The following SWAP70 variants were observed in gnomAD, a reference collection of about 807,000 sequenced individuals.
SWAP70 encodes switching B cell complex subunit SWAP70.
SWAP70 carries 34 observed loss-of-function variants against 80.2 expected under a neutral mutation model. The observed-to-expected ratio is 0.42, with a 90% CI of 0.32 to 0.56. SWAP70 has a LOEUF of 0.56. Among genes scored for constraint, SWAP70 ranks in the 20% least tolerant of loss-of-function variants. The pLI is 0.09. For missense variants in SWAP70, 578 were observed against 690.7 expected, an observed-to-expected ratio of 0.84 and a Z score of 1.83; for synonymous variants, 239 against 238.5, an observed-to-expected ratio of 1.00 and a Z score of -0.02.
At chr11:9,674,997 A>G (rs1057282721) in intron 1 of SWAP70, among the ~76,000 whole-genome samples, 8 of 150,372 alleles carry the variant, frequency 5.3e-5, no homozygotes, top group African/African-American at 1.2e-4. Context: ...TTAAATTTAA[A>G]AAATAGAAGC....
intron 1 of SWAP70, among the ~76,000 whole-genome samples, chr11:9,674,916 C>T (rs954916459): frequency 1.3e-5 from 2 of 151,062 alleles, no homozygotes; most frequent in Non-Finnish European, 2.9e-5. Flanking sequence ...TTGCAGTGAG[C>T]GGAGATTATG....
rs749409014 is a variant in SWAP70 at position 9,664,173 on chromosome 11, C to G, written c.-7C>G. On this transcript the variant is annotated 5_prime_UTR_variant, in exon 1 of 12. Transcript: ENST00000318950. ...GGAGGGGTTGGCGGGGCAGCAGGGC[C>G]GCGGCCATGGGGAGCTTGAAGGAGG... The G allele has an allele frequency of 3.2e-6, 5 of 1,565,972 alleles. No homozygotes were observed. The highest frequency in any genetic ancestry group is 2.7e-5 in the African/African-American group (2 of 73,152).
intron 1 of SWAP70, among the ~76,000 whole-genome samples, chr11:9,671,803 T>A (rs1361821067): frequency 6.6e-5 from 5 of 75,658 alleles, no homozygotes; most frequent in East Asian, 3.8e-4. Context: ...TAAATATATA[T>A]AAATATAAAT....
chr11:9,693,006 G>A (rs904099514), intron 1 of SWAP70, among the ~76,000 whole-genome samples: 2 of 152,152 alleles, frequency 1.3e-5, no homozygotes, highest in African/African-American at 4.8e-5. Context: ...AAGAAGATAT[G>A]CAAATTATTT....
At chr11:9,671,421 A>AT (rs1565109247) in intron 1 of SWAP70, among the ~76,000 whole-genome samples, 218 of 86,358 alleles carry the variant, frequency 2.5e-3, no homozygotes, top group South Asian at 3.7e-3. Context: ...TATATTTATA[A>AT]ATATATATAT....
chr11:9,667,490 A>G (rs1306929804), intron 1 of SWAP70, among the ~76,000 whole-genome samples: 4 of 150,940 alleles, frequency 2.7e-5, no homozygotes, highest in Non-Finnish European at 5.9e-5. Context: ...GAGCTCAAAG[A>G]CATCCGCCCG....
intron 9 of SWAP70, chr11:9,741,614 A>T (rs75461869): frequency 0.045 from 6,855 of 152,314 alleles, 209 homozygotes; most frequent in Non-Finnish European, 0.065. Flanking sequence ...GAAATATGCT[A>T]TATGTATTAC....
chr11:9,735,071 A>G (rs1851346485), intron 7 of SWAP70, among the ~76,000 whole-genome samples: 2 of 152,200 alleles, frequency 1.3e-5, no homozygotes, highest in Admixed American at 1.3e-4. Context: ...TTAAATTTTT[A>G]TTTCTACTTT....
chr11:9,728,328 T>C (rs1851253013), intron 5 of SWAP70, 129 bp downstream of exon 5: 2 of 1,068,178 alleles, frequency 1.9e-6, no homozygotes, highest in Non-Finnish European at 2.5e-6. Flanking sequence ...TCCAAAATAA[T>C]ATAGGCATGC....
intron 1 of SWAP70, among the ~76,000 whole-genome samples, chr11:9,671,414 A>ATT (rs1197747617): frequency 2.0e-5 from 2 of 98,682 alleles, no homozygotes; most frequent in Admixed American, 1.4e-4. Flanking sequence ...ATAAAAATAT[A>ATT]TTTATAAATA....
At position 9,732,701 on chromosome 11, in the gene SWAP70, C is replaced by T. The variant is rs540840507; in HGVS notation, c.1071C>T (p.Ala357=). ...ANESKQQELE[A]VRKKLEEAAS... Reference sequence around the variant, plus strand: ...AAAGCAAGCAGCAGGAGCTGGAGGCCGTGCGGAAGGTGGGAATGGGCGCTG... The same window carrying T: ...AAAGCAAGCAGCAGGAGCTGGAGGCTGTGCGGAAGGTGGGAATGGGCGCTG... The change falls in exon 7 of 12, where the codon GCC becomes GCT. Residue 357 remains alanine, a synonymous_variant. Coordinates refer to ENST00000318950, the MANE Select transcript of SWAP70 (RefSeq NM_015055.4). 11 of 1,547,814 alleles carry T rather than the reference C, an allele frequency of 7.1e-6. No homozygotes were observed. In the East Asian group the frequency reaches 1.2e-4, roughly 17 times the overall value.
At chr11:9,674,984 A>T (rs10770054) in intron 1 of SWAP70, among the ~76,000 whole-genome samples, 133,825 of 149,746 alleles carry the variant, frequency 0.89, 61,001 homozygotes, top group Non-Finnish European at 0.99. Flanking sequence ...AAAAAAAAAA[A>T]TTTTAAATTT....
chr11:9,745,980 C>T (rs1171424008), intron 9 of SWAP70, among the ~76,000 whole-genome samples: 1 of 152,236 alleles, frequency 6.6e-6, no homozygotes, highest in Non-Finnish European at 1.5e-5. Flanking sequence ...CAAGCCAGGC[C>T]ATGGGAAGAG....
intron 2 of SWAP70, among the ~76,000 whole-genome samples, chr11:9,707,104 A>G (rs898339743): frequency 6.6e-6 from 1 of 152,168 alleles, no homozygotes; most frequent in African/African-American, 2.4e-5. Flanking sequence ...AAAACACTTG[A>G]ATACTAATGC....
At chr11:9,676,761 T>C (rs1269529149) in intron 1 of SWAP70, among the ~76,000 whole-genome samples, 2 of 150,816 alleles carry the variant, frequency 1.3e-5, no homozygotes, top group East Asian at 4.0e-4. Flanking sequence ...GCCATTCTCC[T>C]GCCTCAGCCT....
chr11:9,708,460 A>T (rs981712585), intron 2 of SWAP70, among the ~76,000 whole-genome samples: 1 of 152,218 alleles, frequency 6.6e-6, no homozygotes, highest in African/African-American at 2.4e-5. Context: ...GACATGTCGA[A>T]TAATTCCTTT....
At chr11:9,679,671 GTATT>G in intron 1 of SWAP70, among the ~76,000 whole-genome samples, 1 of 152,094 alleles carries the variant, frequency 6.6e-6, no homozygotes, top group Non-Finnish European at 1.5e-5. Context: ...TTTTATTTAT[GTATT>G]TATTTATTTT....
At chr11:9,721,765 G>T (rs1851141160) in intron 3 of SWAP70, among the ~76,000 whole-genome samples, 1 of 151,946 alleles carries the variant, frequency 6.6e-6, no homozygotes, top group South Asian at 2.1e-4. Flanking sequence ...ATCACACCTG[G>T]CTTCTCTTGA....
chr11:9,749,215 AT>A, intron 11 of SWAP70, 32 bp downstream of exon 11: 1 of 1,171,824 alleles, frequency 8.5e-7, no homozygotes, highest in Non-Finnish European at 1.1e-6. Flanking sequence ...TCATATATTT[AT>A]TTTTATTTTT....
Sources: allele counts gnomAD v4.1 joint callset (sites outside exome capture counted in the v4.1 genomes callset), GRCh38; gene constraint gnomAD v4.1.1; transcripts MANE v1.5; gene names NCBI Gene and HGNC (gene_info 2026-07-23, HGNC 2026-07-21).